The following PTBP3 variants were observed in gnomAD, a reference collection of about 807,000 sequenced individuals.
PTBP3 encodes polypyrimidine tract binding protein 3.
A neutral mutation model predicts 58.7 loss-of-function variants in PTBP3; 20 were observed. That is an observed-to-expected ratio of 0.34 (90% CI 0.24 to 0.50). PTBP3 has a LOEUF of 0.50. Among genes scored for constraint, PTBP3 ranks in the 20% least tolerant of loss-of-function variants. The probability of loss-of-function intolerance (pLI) is 0.98; values close to 1 mark genes in which losing one functional copy is unlikely to be tolerated. For synonymous variants in PTBP3, 185 were observed against 219.8 expected (o/e 0.84, Z 1.40); for missense variants, 509 against 637.2 (o/e 0.80, Z 2.17).
intron 2 of PTBP3, among the ~76,000 whole-genome samples, chr9:112,279,361 G>A (rs1564428715): frequency 6.6e-6 from 1 of 152,088 alleles, no homozygotes; most frequent in African/African-American, 2.4e-5. Flanking sequence ...CTACATATCA[G>A]TCACGCTTCC....
rs1834820820 is a variant in PTBP3, at chr9:112,221,927, G to C, written c.*1924C>G. On this transcript the variant is annotated 3_prime_UTR_variant, in exon 14 of 14. Transcript: ENST00000374257. Reference sequence around the variant, plus strand: ...TTCTTAATTTTTACTTTTAAGAGAAGGGGTCACACTATGTTCCAGGGCTGG... The same window carrying C: ...TTCTTAATTTTTACTTTTAAGAGAACGGGTCACACTATGTTCCAGGGCTGG... 1 of 959,076 alleles carries C rather than the reference G, an allele frequency of 1.0e-6. No homozygotes were observed. Among genetic ancestry groups the C allele is most frequent in the Middle Eastern group, 5.3e-4 (1 of 1,890 alleles). 59.4% of individuals were successfully genotyped at this position (959,076 alleles called of 1,614,324 possible).
intron 8 of PTBP3, 65 bp downstream of exon 8, chr9:112,234,755 G>T: frequency 2.1e-6 from 3 of 1,409,796 alleles, no homozygotes; most frequent in East Asian, 2.3e-5. Context: ...TCTTCATCTT[G>T]GTAAGTTCCT....
At chr9:112,228,589 C>A (rs1163701575) in intron 10 of PTBP3, 117 bp from the exon 11 acceptor site, 3 of 618,628 alleles carry the variant, frequency 4.8e-6, no homozygotes, top group Admixed American at 3.6e-5. Flanking sequence ...TCCATACATA[C>A]ACCTGCAAAT....
intron 6 of PTBP3, among the ~76,000 whole-genome samples, chr9:112,252,038 C>G (rs1033127886): frequency 6.6e-6 from 1 of 151,830 alleles, no homozygotes; most frequent in African/African-American, 2.4e-5. Context: ...GGATAGATAT[C>G]AACAAGAGGT....
At chr9:112,247,163 G>A (rs1835912879) in intron 7 of PTBP3, among the ~76,000 whole-genome samples, 1 of 152,032 alleles carries the variant, frequency 6.6e-6, no homozygotes, top group Non-Finnish European at 1.5e-5. Flanking sequence ...GAACCCAGGA[G>A]GCTGAGGTAC....
rs779711509 is a variant in PTBP3 at position 112,251,191 on chromosome 9, G to C, written c.628-88C>G. 4 of 1,115,890 alleles carry C rather than the reference G, an allele frequency of 3.6e-6. No individual in the cohort carries two copies. In the East Asian group the frequency reaches 1.1e-4, roughly 31 times the overall value. The allele number at this position is 1,115,890 out of a possible 1,614,324, so 69.1% of individuals were successfully genotyped here. On this transcript the variant is annotated intron_variant, in intron 6 of 13. Coordinates refer to ENST00000374257, the MANE Select transcript of PTBP3 (RefSeq NM_001163788.4). ...CTACTTTGACAAAGAGTGGCAATCA[G>C]GTGTAAGGCAGAAAGCACTGACTAA...
chr9:112,276,702 G>T (rs1028128069), intron 2 of PTBP3, among the ~76,000 whole-genome samples: 1 of 151,992 alleles, frequency 6.6e-6, no homozygotes, highest in Admixed American at 6.6e-5. Flanking sequence ...CCCTCCAGGA[G>T]ATTCTATTTA....
intron 2 of PTBP3, among the ~76,000 whole-genome samples, chr9:112,284,964 T>C (rs566214510): frequency 2.0e-5 from 3 of 151,014 alleles, no homozygotes; most frequent in South Asian, 2.1e-4. Flanking sequence ...TTGGGTTATG[T>C]TGGAATGAAT....
chr9:112,372,729 G>A, the PTBP3 span, among the ~76,000 whole-genome samples: 1 of 152,132 alleles, frequency 6.6e-6, no homozygotes, highest in African/African-American at 2.4e-5. Context: ...TCATATTTTA[G>A]CATGTATCAG....
At chr9:112,307,074 C>A (rs1829251978) in intron 1 of PTBP3, among the ~76,000 whole-genome samples, 1 of 152,096 alleles carries the variant, frequency 6.6e-6, no homozygotes, top group South Asian at 2.1e-4. Flanking sequence ...CCTAAAATAA[C>A]ACATAAGTAA....
intron 2 of PTBP3, among the ~76,000 whole-genome samples, chr9:112,278,312 G>C (rs1827713368): frequency 6.6e-6 from 1 of 152,144 alleles, no homozygotes. Flanking sequence ...CCTGGACGGG[G>C]GCGAGAGTTG....
intron 1 of PTBP3, among the ~76,000 whole-genome samples, chr9:112,300,443 A>C (rs1332263489): frequency 2.0e-5 from 3 of 152,252 alleles, no homozygotes; most frequent in Non-Finnish European, 4.4e-5. Flanking sequence ...AACACAGATA[A>C]ATCTCACAAA....
chr9:112,304,765 T>C (rs937301533), intron 1 of PTBP3, among the ~76,000 whole-genome samples: 4 of 152,162 alleles, frequency 2.6e-5, no homozygotes, highest in African/African-American at 7.2e-5. Context: ...AAAATTTTTT[T>C]TATTATACTT....
intron 2 of PTBP3, among the ~76,000 whole-genome samples, chr9:112,296,093 T>A (rs1374381220): frequency 6.6e-6 from 1 of 152,182 alleles, no homozygotes; most frequent in Non-Finnish European, 1.5e-5. Context: ...CCAAGAGAAT[T>A]CTTCCAATGT....
At chr9:112,231,514 G>A in intron 9 of PTBP3, 101 bp from the exon 10 acceptor site, 1 of 891,064 alleles carries the variant, frequency 1.1e-6, no homozygotes. Context: ...TTTAAAGCAT[G>A]GTTTTATATG....
At chr9:112,346,762 G>A in the PTBP3 span, among the ~76,000 whole-genome samples, 2 of 152,198 alleles carry the variant, frequency 1.3e-5, no homozygotes, top group African/African-American at 2.4e-5. Context: ...AGAGTCTCTT[G>A]ATCTGTCACC....
At chr9:112,231,952 GAGAAGAGAAGAGAAGAGAGAAGAGA>G (rs1459875259) in intron 9 of PTBP3, 122 bp downstream of exon 9, 29 of 388,048 alleles carry the variant, frequency 7.5e-5, no homozygotes, top group Non-Finnish European at 8.5e-5. Flanking sequence ...GAGAAGAGAA[GAGAAGAGAAGAGAAGAGAGAAGAGA>G]AGAGAAGAGA....
the PTBP3 span, among the ~76,000 whole-genome samples, chr9:112,370,580 T>C: frequency 2.8e-3 from 420 of 152,288 alleles, 5 homozygotes; most frequent in Middle Eastern, 6.8e-3. Flanking sequence ...CCTCCAATTG[T>C]GTTGTTCTTT....
At chr9:112,267,627 T>C (rs961858097) in intron 4 of PTBP3, among the ~76,000 whole-genome samples, 2 of 152,200 alleles carry the variant, frequency 1.3e-5, no homozygotes, top group Non-Finnish European at 2.9e-5. Flanking sequence ...ACATTTCACA[T>C]TCATCTTGAG....
Sources: gnomAD v4.1 joint callset for allele counts (sites outside exome capture counted in the v4.1 genomes callset) on GRCh38, gnomAD v4.1.1 for gene constraint, MANE v1.5 for transcripts, NCBI Gene and HGNC (gene_info 2026-07-23, HGNC 2026-07-21) for gene names.